PHF21A: variants seen among roughly 807,000 people sequenced by gnomAD.
PHF21A encodes the protein PHD finger protein 21A, also known as BHC80a.
A neutral mutation model predicts 82.5 loss-of-function variants in PHF21A; 11 were observed. That is an observed-to-expected ratio of 0.13 (90% CI 0.08 to 0.22). The LOEUF (loss-of-function observed/expected upper bound fraction) is 0.22. Among genes scored for constraint, PHF21A ranks in the 10% least tolerant of loss-of-function variants. The pLI is 1.00. For missense variants in PHF21A, 579 were observed against 837.8 expected, an observed-to-expected ratio of 0.69 and a Z score of 3.81; for synonymous variants, 297 against 302.8, an observed-to-expected ratio of 0.98 and a Z score of 0.20.
chr11:46,041,313 A>C (rs2096135450), intron 6 of PHF21A, among the ~76,000 whole-genome samples: 2 of 152,224 alleles, frequency 1.3e-5, no homozygotes, highest in African/African-American at 4.8e-5. Context: ...TCATTAACAA[A>C]TGAGATCTTA....
chr11:46,079,363 C>T (rs117850541), intron 4 of PHF21A, among the ~76,000 whole-genome samples, 197 bp from the exon 5 acceptor site: 2,724 of 152,278 alleles, frequency 0.018, 36 homozygotes, highest in Non-Finnish European at 0.027. Flanking sequence ...AATCAAACCA[C>T]CACTTTATAT....
intron 6 of PHF21A, among the ~76,000 whole-genome samples, chr11:46,042,127 T>C (rs1406062401): frequency 6.6e-6 from 1 of 152,194 alleles, no homozygotes; most frequent in Non-Finnish European, 1.5e-5. Context: ...ACCAGTTCAA[T>C]ATTATCCTGG....
intron 6 of PHF21A, among the ~76,000 whole-genome samples, chr11:46,000,069 G>A (rs1012662188): frequency 5.9e-5 from 9 of 152,164 alleles, no homozygotes; most frequent in African/African-American, 2.2e-4. Context: ...CTAGAGAGCT[G>A]AGGACAGTAC....
chr11:45,975,769 T>C (rs956788847), intron 7 of PHF21A, among the ~76,000 whole-genome samples: 1 of 152,176 alleles, frequency 6.6e-6, no homozygotes, highest in African/African-American at 2.4e-5. Flanking sequence ...ACTGTTCCCA[T>C]TCCCTCTCCC....
At chr11:45,984,600 C>T (rs542593264) in intron 6 of PHF21A, among the ~76,000 whole-genome samples, 99 of 152,292 alleles carry the variant, frequency 6.5e-4, no homozygotes, top group Admixed American at 9.8e-4. Context: ...GTTTTTCCAC[C>T]GTTTAAGTCA....
chr11:46,067,735 G>A (rs1413671035), intron 6 of PHF21A, among the ~76,000 whole-genome samples: 1 of 152,132 alleles, frequency 6.6e-6, no homozygotes, highest in Non-Finnish European at 1.5e-5. Context: ...AACACTTGCT[G>A]CTCATCTACC....
At chr11:46,064,596 G>C (rs1565412) in intron 6 of PHF21A, among the ~76,000 whole-genome samples, 114,189 of 152,010 alleles carry the variant, frequency 0.75, 45,249 homozygotes, top group Non-Finnish European at 0.9. Flanking sequence ...ACTAGTTAAA[G>C]AGTAAACTTC....
chr11:45,966,809 G>A (rs1360376329), intron 9 of PHF21A, among the ~76,000 whole-genome samples: 1 of 152,050 alleles, frequency 6.6e-6, no homozygotes, highest in Non-Finnish European at 1.5e-5. Flanking sequence ...AGTACGGACA[G>A]GGTTTCACCA....
At chr11:46,091,861 T>C (rs893552371) in intron 2 of PHF21A, among the ~76,000 whole-genome samples, 1 of 152,174 alleles carries the variant, frequency 6.6e-6, no homozygotes, top group Admixed American at 6.5e-5. Context: ...GCTGGGAATC[T>C]GAACTTTTGA....
chr11:46,058,992 A>T (rs1191542508), intron 6 of PHF21A, among the ~76,000 whole-genome samples: 2 of 152,186 alleles, frequency 1.3e-5, no homozygotes, highest in African/African-American at 2.4e-5. Flanking sequence ...CCAGCCCCTA[A>T]AACTGCCCCA....
chr11:45,953,576 G>A lies in PHF21A; in HGVS notation c.1046C>T (p.Thr349Ile). Reference protein sequence around the residue: ...ETDEKQTESRTITPPAAPKPK... With the variant: ...ETDEKQTESRIITPPAAPKPK... ...TTTGGGTGCAGCAGGTGGGGTGATG[G>A]TGCGGCTCTCTGTTTGTTTCTCATC... is the stretch of plus-strand genomic sequence containing the variant. The change falls in exon 11 of 19, where the codon ACC (threonine) becomes ATC (isoleucine). Residue 349 changes from threonine to isoleucine, a missense_variant. Transcript: ENST00000676320. 7 of 1,613,996 alleles carry A rather than the reference G, an allele frequency of 4.3e-6. No homozygotes were observed. The highest frequency in any genetic ancestry group is 5.9e-6 in the Non-Finnish European group (7 of 1,179,888).
At chr11:46,113,992 C>A (rs2097256600) in intron 1 of PHF21A, among the ~76,000 whole-genome samples, 1 of 151,846 alleles carries the variant, frequency 6.6e-6, no homozygotes, top group Non-Finnish European at 1.5e-5. Context: ...TACGCACACA[C>A]CCCATCACAA....
At chr11:45,946,407 G>A (rs112672168) in intron 14 of PHF21A, among the ~76,000 whole-genome samples, 313 of 152,180 alleles carry the variant, frequency 2.1e-3, no homozygotes, top group Non-Finnish European at 3.0e-3. Context: ...TTTTTGAGAC[G>A]GAATCTCGCT....
At chr11:46,109,522 A>G (rs1185514529) in intron 1 of PHF21A, among the ~76,000 whole-genome samples, 1 of 150,996 alleles carries the variant, frequency 6.6e-6, no homozygotes, top group African/African-American at 2.4e-5. Flanking sequence ...TAAAATTTAT[A>G]TAGTTAGTAA....
chr11:46,099,623 A>G (rs1455624860), intron 1 of PHF21A, among the ~76,000 whole-genome samples: 1 of 152,056 alleles, frequency 6.6e-6, no homozygotes, highest in Admixed American at 6.6e-5. Flanking sequence ...GGGCTTAAAA[A>G]ATGCAAGGCT....
chr11:46,004,486 T>C (rs1291785601), intron 6 of PHF21A, among the ~76,000 whole-genome samples: 3 of 152,188 alleles, frequency 2.0e-5, no homozygotes, highest in Non-Finnish European at 4.4e-5. Context: ...TCTAAGATTA[T>C]ATTAAAAGCT....
chr11:45,998,467 A>G (rs2094988344), intron 6 of PHF21A, among the ~76,000 whole-genome samples: 1 of 152,182 alleles, frequency 6.6e-6, no homozygotes, highest in African/African-American at 2.4e-5. Flanking sequence ...TTCCACATCT[A>G]TTTTAGGAAA....
At chr11:46,084,400 A>G in intron 3 of PHF21A, 98 bp from the exon 4 acceptor site, 1 of 458,946 alleles carries the variant, frequency 2.2e-6, no homozygotes, top group Admixed American at 4.4e-5. Flanking sequence ...CTGATTCTCT[A>G]ACGCAGGGCA....
intron 7 of PHF21A, among the ~76,000 whole-genome samples, chr11:45,972,575 C>T (rs999571464): frequency 5.9e-5 from 9 of 152,252 alleles, no homozygotes; most frequent in African/African-American, 1.7e-4. Flanking sequence ...GTCAGGAGTT[C>T]GAGACTAGCC....
Sources: gnomAD v4.1 joint callset for allele counts (sites outside exome capture counted in the v4.1 genomes callset) on GRCh38, gnomAD v4.1.1 for gene constraint, MANE v1.5 for transcripts, NCBI Gene and HGNC (gene_info 2026-07-23, HGNC 2026-07-21) for gene names.